The following AKAP7 variants were observed in gnomAD, a reference collection of about 807,000 sequenced individuals.
The protein encoded by AKAP7 is A-kinase anchoring protein 7, also known as A kinase (PRKA) anchor protein 7.
A neutral mutation model predicts 39.5 loss-of-function variants in AKAP7; 39 were observed. The ratio of observed to expected loss-of-function variants is 0.99; its 90% CI spans 0.76 to 1.29. The LOEUF (loss-of-function observed/expected upper bound fraction) is 1.29. Among genes scored for constraint, AKAP7 ranks in the 50% most tolerant of loss-of-function variants. The pLI, the probability that AKAP7 is intolerant of heterozygous loss-of-function variation, is 0.00. For missense variants in AKAP7, 414 were observed against 407.7 expected, an observed-to-expected ratio of 1.02 and a Z score of -0.13; for synonymous variants, 140 against 139.1, an observed-to-expected ratio of 1.01 and a Z score of -0.05.
intron 1 of AKAP7, 35 bp from the exon 2 acceptor site, chr6:131,145,250 A>G (rs770186466): frequency 1.5e-6 from 2 of 1,326,674 alleles, no homozygotes. Flanking sequence ...GACAAGTTAA[A>G]TAATCCTTTT....
upstream of AKAP7, among the ~76,000 whole-genome samples, chr6:131,132,836 T>A (rs1307940349): frequency 6.6e-6 from 1 of 152,226 alleles, no homozygotes; most frequent in Non-Finnish European, 1.5e-5. Context: ...TGTCCACCAT[T>A]AATGATGCTG....
At chr6:131,272,452 G>A (rs1814366347) in intron 7 of AKAP7, among the ~76,000 whole-genome samples, 2 of 152,016 alleles carry the variant, frequency 1.3e-5, no homozygotes, top group South Asian at 2.1e-4. Flanking sequence ...TAATGTGGTA[G>A]CTTTGATAAC....
intron 7 of AKAP7, among the ~76,000 whole-genome samples, chr6:131,227,942 A>G (rs551780924): frequency 6.6e-6 from 1 of 152,332 alleles, no homozygotes; most frequent in South Asian, 2.1e-4. Context: ...AGGGATTTCT[A>G]GTAGTCATAT....
intron 7 of AKAP7, among the ~76,000 whole-genome samples, chr6:131,222,152 G>C (rs1760747192): frequency 6.6e-6 from 1 of 152,204 alleles, no homozygotes; most frequent in African/African-American, 2.4e-5. Context: ...TTTGGAAGAA[G>C]TTGATTCCAG....
rs1169118556 is a variant in AKAP7 at position 131,143,674 on chromosome 6, ATG to A, written c.20-1605_20-1604del. On this transcript the variant is annotated intron_variant, in intron 1 of 7. Transcript: ENST00000431975. ...AGAGATTAATCAAATTGCAGTAAAAATGTGTGTTTTTTGGCTTGTATGTTAAC... is the reference window on the plus strand; with the variant it reads ...AGAGATTAATCAAATTGCAGTAAAAATGTGTTTTTTGGCTTGTATGTTAAC... 2.6e-5 allele frequency among the ~76,000 whole-genome samples: 4 copies of A among 152,148 alleles called. No individual in the cohort carries two copies. The East Asian group carries it at 7.7e-4, about 29-fold the overall frequency.
intron 2 of AKAP7, among the ~76,000 whole-genome samples, chr6:131,151,425 A>G (rs1298255047): frequency 6.7e-6 from 1 of 149,712 alleles, no homozygotes; most frequent in East Asian, 2.0e-4. Flanking sequence ...GCCAAAGATT[A>G]TTGAGATACT....
At chr6:131,197,376 A>G (rs1457875728) in intron 5 of AKAP7, among the ~76,000 whole-genome samples, 1 of 152,128 alleles carries the variant, frequency 6.6e-6, no homozygotes, top group Admixed American at 6.5e-5. Flanking sequence ...CTAAATTTTA[A>G]TAGTTGCTAC....
At chr6:131,234,333 A>G (rs965342350) in intron 7 of AKAP7, among the ~76,000 whole-genome samples, 1 of 152,170 alleles carries the variant, frequency 6.6e-6, no homozygotes, top group Non-Finnish European at 1.5e-5. Flanking sequence ...TCATGCAAAC[A>G]AACAATTACA....
intron 1 of AKAP7, 123 bp downstream of exon 1, chr6:131,135,905 C>A: frequency 9.1e-7 from 1 of 1,102,684 alleles, no homozygotes; most frequent in Non-Finnish European, 1.1e-6. Flanking sequence ...AGTCTCCCTC[C>A]TTCCCAAAAG....
chr6:131,253,364 G>A (rs186701602), intron 7 of AKAP7, among the ~76,000 whole-genome samples: 5 of 152,010 alleles, frequency 3.3e-5, no homozygotes, highest in Admixed American at 3.3e-4. Context: ...ATATTTATGG[G>A]GCATGTGATA....
intron 7 of AKAP7, among the ~76,000 whole-genome samples, chr6:131,245,974 G>A (rs1811968103): frequency 6.6e-6 from 1 of 151,976 alleles, no homozygotes. Context: ...AGAAGATTGG[G>A]AATTTGTACA....
Position 131,148,587 on chromosome 6 carries a change from G to A in AKAP7, c.151+3171G>A, listed in dbSNP as rs1391150214. Among the ~76,000 whole-genome samples, 5 of 152,086 alleles carry A rather than the reference G, an allele frequency of 3.3e-5. No homozygotes were observed. In the East Asian group the frequency reaches 5.8e-4, roughly 18 times the overall value. Reference sequence around the variant, plus strand: ...ATGTTATTTATAAAACCTTTGAAACGTACCCCTTAGTTATTTGGGGACAAC... The same window carrying A: ...ATGTTATTTATAAAACCTTTGAAACATACCCCTTAGTTATTTGGGGACAAC... On this transcript the variant is annotated intron_variant, in intron 2 of 7. Transcript: ENST00000431975.
chr6:131,182,778 T>C (rs1394740213), intron 5 of AKAP7, among the ~76,000 whole-genome samples: 1 of 152,182 alleles, frequency 6.6e-6, no homozygotes, highest in Non-Finnish European at 1.5e-5. Context: ...GTACTAGGGC[T>C]CCAACACTTG....
chr6:131,259,190 T>G (rs919192982), intron 7 of AKAP7, among the ~76,000 whole-genome samples: 3 of 152,230 alleles, frequency 2.0e-5, no homozygotes, highest in African/African-American at 7.2e-5. Flanking sequence ...GCATTTTAAA[T>G]GTTCAGCTAA....
chr6:131,250,587 T>C, intron 7 of AKAP7: 1 of 1,614,058 alleles, frequency 6.2e-7, no homozygotes, highest in Non-Finnish European at 8.5e-7. Flanking sequence ...CTTTGCTGCT[T>C]TCCTTTCTCA....
Position 131,219,702 on chromosome 6 carries a change from CA to C in AKAP7, c.745del (p.Ser249ValfsTer12). On this transcript the variant is annotated frameshift_variant, in exon 7 of 8. Coordinates refer to ENST00000431975, the MANE Select transcript of AKAP7 (RefSeq NM_016377.4). LOFTEE classifies it high-confidence loss of function. Reference sequence around the variant, plus strand: ...ATCCTGATTTATATGAAAAGTTTATCAGTCACAGATTTGGAGAAGAAATATT... The same window carrying C: ...ATCCTGATTTATATGAAAAGTTTATCGTCACAGATTTGGAGAAGAAATATT... The part of the protein sequence containing the change: ...IDPDLYEKFI[S>X]HRFGEEILYR... The C allele has an allele frequency of 6.3e-7, 1 of 1,595,398 alleles. No homozygotes were observed. Among genetic ancestry groups the C allele is most frequent in the Non-Finnish European group, 8.5e-7 (1 of 1,171,402 alleles).
intron 5 of AKAP7, among the ~76,000 whole-genome samples, chr6:131,193,044 T>TC (rs1202225820): frequency 3.9e-5 from 6 of 152,172 alleles, no homozygotes; most frequent in Admixed American, 3.3e-4. Context: ...TAATTTGACT[T>TC]CTTCTTTTTC....
At chr6:131,239,338 A>G (rs1811336678) in intron 7 of AKAP7, among the ~76,000 whole-genome samples, 1 of 152,108 alleles carries the variant, frequency 6.6e-6, no homozygotes, top group African/African-American at 2.4e-5. Context: ...GCTGCCCTTA[A>G]CATTTTTTCC....
chr6:131,282,802 ATC>A lies in AKAP7; in HGVS notation c.*1078_*1079del, dbSNP rs1282431008. ...TTGAGCTACACTTGTGTTTTAGAAT[ATC>A]TGTTTCTGTAATATTGAGAGTTATT... On this transcript the variant is annotated 3_prime_UTR_variant, in exon 8 of 8. Coordinates refer to ENST00000431975, the MANE Select transcript of AKAP7 (RefSeq NM_016377.4). 4.2e-6 allele frequency: 2 copies of A among 481,336 alleles called. No individual in the cohort carries two copies. Among genetic ancestry groups the A allele is most frequent in the Non-Finnish European group, 7.3e-6 (2 of 274,028 alleles). 29.8% of individuals were successfully genotyped at this position (481,336 alleles called of 1,614,324 possible).
Sources: gnomAD v4.1 joint callset for allele counts (sites outside exome capture counted in the v4.1 genomes callset) on GRCh38, gnomAD v4.1.1 for gene constraint, MANE v1.5 for transcripts, NCBI Gene and HGNC (gene_info 2026-07-23, HGNC 2026-07-21) for gene names.